PRKCH: variants seen among roughly 807,000 people sequenced by gnomAD.
PRKCH encodes the protein protein kinase C eta type.
In PRKCH, 28 loss-of-function variants were observed where a neutral mutation model predicts 82.5. That is an observed-to-expected ratio of 0.34 (90% CI 0.25 to 0.47). The LOEUF (loss-of-function observed/expected upper bound fraction) is 0.47, where lower values mean the gene tolerates loss of function less well. Among genes scored for constraint, PRKCH ranks in the 20% least tolerant of loss-of-function variants. The pLI is 1.00. For synonymous variants in PRKCH, 322 were observed against 327.4 expected (o/e 0.98, Z 0.18); for missense variants, 705 against 881.8 (o/e 0.80, Z 2.54).
intron 2 of PRKCH, among the ~76,000 whole-genome samples, chr14:61,424,845 C>T (rs1883029347): frequency 6.6e-6 from 1 of 152,266 alleles, no homozygotes; most frequent in Admixed American, 6.5e-5. Context: ...GCCCAGGACC[C>T]TGCTGCTCTG....
At chr14:61,466,469 G>A (rs534666518) in intron 9 of PRKCH, among the ~76,000 whole-genome samples, 10 of 152,168 alleles carry the variant, frequency 6.6e-5, no homozygotes, top group East Asian at 3.9e-4. Flanking sequence ...CCTCCCCTTC[G>A]GTTCTCCTCC....
intron 1 of PRKCH, among the ~76,000 whole-genome samples, chr14:61,202,696 AC>A (rs142225453): frequency 0.013 from 1,949 of 150,838 alleles, 34 homozygotes; most frequent in East Asian, 0.067. Flanking sequence ...ATCTCCACTT[AC>A]AAAAAAATTA....
intron 1 of PRKCH, chr14:61,281,095 A>G (rs1393489409): frequency 6.7e-7 from 1 of 1,490,916 alleles, no homozygotes; most frequent in Non-Finnish European, 8.9e-7. Flanking sequence ...CTGCTGAGTG[A>G]AGGCGGTGTT....
At chr14:61,272,323 T>TTTTTC (rs1566801716) in intron 1 of PRKCH, among the ~76,000 whole-genome samples, 1 of 146,546 alleles carries the variant, frequency 6.8e-6, no homozygotes, top group Non-Finnish European at 1.5e-5. Context: ...AGTAGATTTC[T>TTTTTC]TTTTCTTTTC....
chr14:61,497,409 CAGTGA>C lies in PRKCH; in HGVS notation c.1433+11754_1433+11758del, dbSNP rs1016015112. Among the ~76,000 whole-genome samples, 48 of 152,286 alleles carry C rather than the reference CAGTGA, an allele frequency of 3.2e-4. 1 individual carries two copies. Among genetic ancestry groups the C allele is most frequent in the African/African-American group, 1.2e-3 (48 of 41,536 alleles). Reference sequence around the variant, plus strand: ...CAGAGCCTGGTATGTAGTACATGCTCAGTGATGTTCACTTTTAAACATTCTGTTTG... The same window carrying C: ...CAGAGCCTGGTATGTAGTACATGCTCTGTTCACTTTTAAACATTCTGTTTG... On this transcript the variant is annotated intron_variant, in intron 10 of 13. Coordinates refer to ENST00000332981, the MANE Select transcript of PRKCH (RefSeq NM_006255.5).
At chr14:61,222,482 A>C (rs2044663253) in intron 1 of PRKCH, among the ~76,000 whole-genome samples, 1 of 152,210 alleles carries the variant, frequency 6.6e-6, no homozygotes, top group Admixed American at 6.5e-5. Context: ...AAAGATACAG[A>C]CTAGACTCAT....
At chr14:61,515,906 G>C (rs999961907) in intron 10 of PRKCH, among the ~76,000 whole-genome samples, 2 of 145,598 alleles carry the variant, frequency 1.4e-5, no homozygotes, top group African/African-American at 2.5e-5. Context: ...ATGCATTCCA[G>C]GCGCTATGCT....
In PRKCH at chr14:61,453,936, A is replaced by C. The variant is rs1884639366; in HGVS notation, c.960+583A>C. On this transcript the variant is annotated intron_variant, in intron 7 of 13. Coordinates refer to ENST00000332981, the MANE Select transcript of PRKCH (RefSeq NM_006255.5). ...GCCTCCCAAAGTGTTGGGATTGCAC[A>C]GGTGTGAGCCACTGTGTCTGGCTGA... is the stretch of plus-strand genomic sequence containing the variant. Among the ~76,000 whole-genome samples, 4 of 152,034 alleles carry C rather than the reference A, an allele frequency of 2.6e-5. No homozygotes were observed. The South Asian group carries it at 8.3e-4, about 32-fold the overall frequency.
chr14:61,291,001 G>A (rs148134033), intron 1 of PRKCH, among the ~76,000 whole-genome samples: 255 of 152,274 alleles, frequency 1.7e-3, no homozygotes, highest in African/African-American at 5.8e-3. Flanking sequence ...TTGGAGGTGG[G>A]CTAAGAAAGG....
rs1364467184 is a variant in PRKCH at position 61,420,132 on chromosome 14, A to AT, written c.428-22974dup. On this transcript the variant is annotated intron_variant, in intron 2 of 13. Coordinates refer to ENST00000332981, the MANE Select transcript of PRKCH (RefSeq NM_006255.5). ...TTGGACCATGGTTATTCCAAGGTGG[A>AT]TTTTTATCCTTCTGCCCTTTGTACT... Among the ~76,000 whole-genome samples the AT allele has an allele frequency of 6.6e-5, 10 of 152,174 alleles. No individual in the cohort carries two copies. The South Asian group carries it at 2.1e-3, about 32-fold the overall frequency.
At chr14:61,355,622 A>C (rs1053734369) in intron 1 of PRKCH, among the ~76,000 whole-genome samples, 3 of 152,146 alleles carry the variant, frequency 2.0e-5, no homozygotes. Context: ...ATATACACTA[A>C]ATAATTTTAA....
chr14:61,252,711 C>T (rs919555615), intron 1 of PRKCH, among the ~76,000 whole-genome samples: 1 of 152,130 alleles, frequency 6.6e-6, no homozygotes, highest in Non-Finnish European at 1.5e-5. Context: ...AAGAAGTGAC[C>T]AATTTATTCA....
chr14:61,369,496 G>A (rs996592290), intron 1 of PRKCH, among the ~76,000 whole-genome samples: 1 of 152,036 alleles, frequency 6.6e-6, no homozygotes, highest in African/African-American at 2.4e-5. Context: ...ATTCAAATTT[G>A]TAGCTCAACT....
intron 1 of PRKCH, among the ~76,000 whole-genome samples, chr14:61,237,501 A>G (rs2044800309): frequency 6.6e-6 from 1 of 152,196 alleles, no homozygotes. Flanking sequence ...CTGACAAGAA[A>G]CATTTACAAT....
intron 11 of PRKCH, among the ~76,000 whole-genome samples, chr14:61,529,596 T>C (rs1469213469): frequency 6.6e-6 from 1 of 151,616 alleles, no homozygotes; most frequent in Non-Finnish European, 1.5e-5. Flanking sequence ...TGAGTTCATG[T>C]CCTTTGTAGG....
At chr14:61,204,221 C>T (rs2044505170) in intron 1 of PRKCH, among the ~76,000 whole-genome samples, 1 of 152,130 alleles carries the variant, frequency 6.6e-6, no homozygotes, top group African/African-American at 2.4e-5. Flanking sequence ...TAATAACTTA[C>T]TTGTATTATC....
At chr14:61,461,167 G>A (rs927787561) in intron 9 of PRKCH, among the ~76,000 whole-genome samples, 1 of 152,094 alleles carries the variant, frequency 6.6e-6, no homozygotes, top group African/African-American at 2.4e-5. Context: ...CCCATCCTCT[G>A]CTTTCCCTCT....
intron 3 of PRKCH, among the ~76,000 whole-genome samples, chr14:61,445,255 G>A (rs2140279255): frequency 6.6e-6 from 1 of 152,362 alleles, no homozygotes; most frequent in South Asian, 2.1e-4. Context: ...AGGGACAAGG[G>A]CAGGTCCCCT....
intron 1 of PRKCH, 150 bp from the exon 2 acceptor site, chr14:61,391,075 C>G (rs2046672229): frequency 5.1e-6 from 3 of 585,722 alleles, no homozygotes; most frequent in South Asian, 5.1e-5. Context: ...TCACTTGTTT[C>G]CCTGCCACTC....
Sources: allele counts gnomAD v4.1 joint callset (sites outside exome capture counted in the v4.1 genomes callset), GRCh38; gene constraint gnomAD v4.1.1; transcripts MANE v1.5; gene names NCBI Gene and HGNC (gene_info 2026-07-23, HGNC 2026-07-21).